DSTYK: variants seen among roughly 807,000 people sequenced by gnomAD.
The protein encoded by DSTYK is dual serine/threonine and tyrosine protein kinase, also known as RIP-homologous kinase.
DSTYK carries 34 observed loss-of-function variants against 98.7 expected under a neutral mutation model. That is an observed-to-expected ratio of 0.34 (90% CI 0.26 to 0.46). DSTYK has a LOEUF of 0.46. Among genes scored for constraint, DSTYK ranks in the 20% least tolerant of loss-of-function variants. DSTYK has a pLI of 1.00. For synonymous variants in DSTYK, 462 were observed against 457.3 expected, an observed-to-expected ratio of 1.01 and a Z score of -0.13; for missense variants, 962 against 1,181.7, an observed-to-expected ratio of 0.81 and a Z score of 2.73.
chr1:205,198,259 C>CT (rs1658926283), intron 1 of DSTYK, among the ~76,000 whole-genome samples: 3 of 152,168 alleles, frequency 2.0e-5, no homozygotes, highest in African/African-American at 7.2e-5. Context: ...TTTGCACTGC[C>CT]TGTAGTGGCC....
intron 10 of DSTYK, among the ~76,000 whole-genome samples, chr1:205,151,868 C>G (rs1235383208): frequency 1.3e-5 from 2 of 152,020 alleles, no homozygotes; most frequent in African/African-American, 4.8e-5. Flanking sequence ...ACAGCAACAC[C>G]TTCTTCTGGA....
Position 205,211,472 on chromosome 1 carries a change from C to T in DSTYK, c.64G>A (p.Gly22Arg). 2 of 1,587,072 alleles carry T rather than the reference C, an allele frequency of 1.3e-6. No homozygotes were observed. The highest frequency in any genetic ancestry group is 1.7e-6 in the Non-Finnish European group (2 of 1,170,808). Reference sequence around the variant, plus strand: ...CCCCGGCACAGCTCGCGGATCATTCCGCCGCCGCCGGGGCCGGGACCCGAG... The same window carrying T: ...CCCCGGCACAGCTCGCGGATCATTCTGCCGCCGCCGGGGCCGGGACCCGAG... ...PVSGPGPGGG[G>R]MIRELCRGFG... The change falls in exon 1 of 13, where the codon GGA becomes AGA. Residue 22 changes from glycine to arginine, a missense_variant. This residue lies in a region of DSTYK where 168 missense variants were observed against 120.0 expected (regional missense o/e 1.40). Coordinates refer to ENST00000367162, the MANE Select transcript of DSTYK (RefSeq NM_015375.3).
rs112900491 is a variant in DSTYK, at chr1:205,174,435, C to T, written c.655-4603G>A. On this transcript the variant is annotated intron_variant, in intron 2 of 12. Coordinates refer to ENST00000367162, the MANE Select transcript of DSTYK (RefSeq NM_015375.3). ...GGCTGAGGCAGAAGAATCACTTGAACCCAGAAGGAGGAGGTTGCAGTGAGC... is the reference window on the plus strand; with the variant it reads ...GGCTGAGGCAGAAGAATCACTTGAATCCAGAAGGAGGAGGTTGCAGTGAGC... 8.4e-3 allele frequency among the ~76,000 whole-genome samples: 1,265 copies of T among 150,856 alleles called. 22 individuals carry two copies. The highest frequency in any genetic ancestry group is 0.029 in the African/African-American group (1,210 of 41,064).
At position 205,164,777 on chromosome 1, in the gene DSTYK, T is replaced by C. The variant is rs981627200; in HGVS notation, c.1325-822A>G. On this transcript the variant is annotated intron_variant, in intron 3 of 12. Coordinates refer to ENST00000367162, the MANE Select transcript of DSTYK (RefSeq NM_015375.3). ...TGCCCGGCAATTTTGTTAGCTTTTA[T>C]GTCACATTTATAGGAGGGGAGGAAC... Among the ~76,000 whole-genome samples the C allele has an allele frequency of 4.6e-5, 7 of 152,258 alleles. No individual in the cohort carries two copies. In the East Asian group the frequency reaches 1.4e-3, roughly 29 times the overall value.
rs1659371357 is a variant in DSTYK at position 205,211,341 on chromosome 1, G to A, written c.195C>T (p.Ser65=). ...IKCSHNHTCL[S]SLTGGGGAER... The stretch of plus-strand genomic sequence containing the variant: ...CGGCCCCGCCGCCGCCCGTGAGGGA[G>A]GAGAGACAAGTGTGGTTGTGGGAGC... Residue 65 remains serine (S), a synonymous_variant, in exon 1 of 13, where the codon TCC becomes TCT. Coordinates refer to ENST00000367162, the MANE Select transcript of DSTYK (RefSeq NM_015375.3). 5 of 1,611,792 alleles carry A rather than the reference G, an allele frequency of 3.1e-6. No homozygotes were observed. In the African/African-American group the frequency reaches 4.0e-5, roughly 13 times the overall value.
rs1657375871 is a variant in DSTYK at position 205,150,679 on chromosome 1, C to T, written c.2467+1G>A. The stretch of plus-strand genomic sequence containing the variant: ...ACCCACTGCCTGCCCTCCAGCCTTA[C>T]CTGTGAAAAGTTCAGGGGCCATATG... On this transcript the variant is annotated splice_donor_variant, in intron 11 of 12. Coordinates refer to ENST00000367162, the MANE Select transcript of DSTYK (RefSeq NM_015375.3). LOFTEE classifies it high-confidence loss of function. The surrounding 1 kb of genome is among the most constrained non-coding windows in gnomAD (Gnocchi z 4.1). 2 of 1,612,542 alleles carry T rather than the reference C, an allele frequency of 1.2e-6. No individual in the cohort carries two copies. Among genetic ancestry groups the T allele is most frequent in the Non-Finnish European group, 1.7e-6 (2 of 1,178,936 alleles).
At chr1:205,177,217 A>G (rs796184708) in intron 2 of DSTYK, among the ~76,000 whole-genome samples, 18 of 152,274 alleles carry the variant, frequency 1.2e-4, no homozygotes, top group African/African-American at 4.3e-4. Flanking sequence ...TAAAATATAA[A>G]CAAACATACA....
chr1:205,162,635 T>C (rs1657763049), intron 5 of DSTYK, among the ~76,000 whole-genome samples: 1 of 152,250 alleles, frequency 6.6e-6, no homozygotes, highest in African/African-American at 2.4e-5. Context: ...TAGAGTCTTA[T>C]GGCTCCATGA....
intron 3 of DSTYK, among the ~76,000 whole-genome samples, chr1:205,166,476 A>C (rs1285447070): frequency 6.6e-6 from 1 of 151,964 alleles, no homozygotes; most frequent in Non-Finnish European, 1.5e-5. Context: ...CTTTACAAAA[A>C]AAAAAAAAAA....
rs549870680 is a variant in DSTYK, at chr1:205,159,045, G to A, written c.2238+502C>T. On this transcript the variant is annotated intron_variant, in intron 9 of 12. Transcript: ENST00000367162. The stretch of plus-strand genomic sequence containing the variant: ...CTGAGTGGTGATGACAGTATTCTGG[G>A]CATATAATGGGGTGAAAATAGGTTC... Among the ~76,000 whole-genome samples, 25 of 152,164 alleles carry A rather than the reference G, an allele frequency of 1.6e-4. No homozygotes were observed. In the South Asian group the frequency reaches 4.6e-3, roughly 28 times the overall value.
rs189749347 is a variant in DSTYK, at chr1:205,161,242, A to C, written c.1948+16T>G. The C allele has an allele frequency of 3.1e-6, 5 of 1,613,568 alleles. No individual in the cohort carries two copies. In the Admixed American group the frequency reaches 8.3e-5, roughly 27 times the overall value. On this transcript the variant is annotated intron_variant, in intron 7 of 12. Coordinates refer to ENST00000367162, the MANE Select transcript of DSTYK (RefSeq NM_015375.3). ...TGAACCATCCTCCAGTTTATCTAGAAGAAAACCAGACTCACGATGAAGCAA... is the reference window on the plus strand; with the variant it reads ...TGAACCATCCTCCAGTTTATCTAGACGAAAACCAGACTCACGATGAAGCAA...
In DSTYK at chr1:205,211,441, C is replaced by T. The variant is rs199644054; in HGVS notation, c.95G>A (p.Gly32Asp). ...GMIRELCRGF[G>D]RYRRYLGRLR... Reference sequence around the variant, plus strand: ...CCGTCCCAGGTAGCGGCGGTAGCGGCCGAAGCCCCGGCACAGCTCGCGGAT... The same window carrying T: ...CCGTCCCAGGTAGCGGCGGTAGCGGTCGAAGCCCCGGCACAGCTCGCGGAT... Residue 32 changes from glycine (G) to aspartate (D), a missense_variant, in exon 1 of 13, where the codon GGC (glycine) becomes GAC (aspartate). By Grantham distance (94) the Gly-to-Asp change is moderately conservative. This residue lies in a region of DSTYK where 168 missense variants were observed against 120.0 expected (regional missense o/e 1.40). Coordinates refer to ENST00000367162, the MANE Select transcript of DSTYK (RefSeq NM_015375.3). 456 of 1,603,356 alleles carry T rather than the reference C, an allele frequency of 2.8e-4. No homozygotes were observed. Among genetic ancestry groups the T allele is most frequent in the Admixed American group, 4.9e-4 (29 of 59,540 alleles).
intron 2 of DSTYK, among the ~76,000 whole-genome samples, chr1:205,186,129 T>G (rs1658552792): frequency 6.6e-6 from 1 of 152,162 alleles, no homozygotes; most frequent in African/African-American, 2.4e-5. Flanking sequence ...ACAGAGAGAC[T>G]GTGTATGGAT....
chr1:205,181,609 C>T (rs1658398037), intron 2 of DSTYK, among the ~76,000 whole-genome samples: 2 of 151,500 alleles, frequency 1.3e-5, no homozygotes, highest in South Asian at 4.2e-4. Context: ...CCCACCTCAG[C>T]CTCCCAAAGT....
chr1:205,162,568 C>T (rs1342814745), intron 5 of DSTYK, among the ~76,000 whole-genome samples: 3 of 152,140 alleles, frequency 2.0e-5, no homozygotes, highest in Non-Finnish European at 4.4e-5. Context: ...AACAACAAAG[C>T]CTAGTTCTGA....
chr1:205,147,500 G>T lies in DSTYK; in HGVS notation c.*58C>A. 6.5e-7 allele frequency: 1 copy of T among 1,550,104 alleles called. No individual in the cohort carries two copies. The highest frequency in any genetic ancestry group is 1.2e-5 in the South Asian group (1 of 85,562). The stretch of plus-strand genomic sequence containing the variant: ...TGAATAAATGTCAAATTCTCCCCAT[G>T]GCCAAAAGGTGAGGGGGAAGGAAAT... On this transcript the variant is annotated 3_prime_UTR_variant, in exon 13 of 13. Coordinates refer to ENST00000367162, the MANE Select transcript of DSTYK (RefSeq NM_015375.3).
chr1:205,175,657 C>T (rs1429360451), intron 2 of DSTYK, among the ~76,000 whole-genome samples: 4 of 152,038 alleles, frequency 2.6e-5, no homozygotes, highest in Non-Finnish European at 4.4e-5. Context: ...AAAAGGACGC[C>T]AACACTGTTT....
chr1:205,174,855 AGCGTCTCGAGTAGCTGGGATT>A (rs1658181707), intron 2 of DSTYK, among the ~76,000 whole-genome samples: 1 of 145,892 alleles, frequency 6.9e-6, no homozygotes, highest in Non-Finnish European at 1.5e-5. Flanking sequence ...CTCCTGCCTC[AGCGTCTCGAGTAGCTGGGATT>A]ACAGGCATGC....
At chr1:205,185,021 C>G (rs549476718) in intron 2 of DSTYK, among the ~76,000 whole-genome samples, 1 of 151,814 alleles carries the variant, frequency 6.6e-6, no homozygotes, top group African/African-American at 2.4e-5. Flanking sequence ...GCCAACATGG[C>G]GAAACCCCAT....
Sources: allele counts gnomAD v4.1 joint callset (sites outside exome capture counted in the v4.1 genomes callset), GRCh38; gene constraint gnomAD v4.1.1; regional missense constraint gnomAD v4.1.1; non-coding constraint Gnocchi (gnomAD v3.1); transcripts MANE v1.5; gene names NCBI Gene and HGNC (gene_info 2026-07-23, HGNC 2026-07-21).